ABR: variants seen among roughly 807,000 people sequenced by gnomAD.
ABR encodes the protein active breakpoint cluster region-related protein.
In ABR, 35 loss-of-function variants were observed where a neutral mutation model predicts 107.2. The observed-to-expected ratio is 0.33, with a 90% confidence interval of 0.25 to 0.43. The LOEUF is 0.43. Among genes scored for constraint, ABR ranks in the 20% least tolerant of loss-of-function variants. The pLI, the probability that ABR is intolerant of heterozygous loss-of-function variation, is 1.00. For synonymous variants in ABR, 498 were observed against 462.0 expected, an observed-to-expected ratio of 1.08 and a Z score of -1.00; for missense variants, 815 against 1,115.2, an observed-to-expected ratio of 0.73 and a Z score of 3.83.
chr17:1,170,203 A>C (rs2041656820), intron 1 of ABR, among the ~76,000 whole-genome samples: 1 of 152,112 alleles, frequency 6.6e-6, no homozygotes, highest in Admixed American at 6.5e-5. Context: ...CTGTCTCCTC[A>C]TATCACGGGG....
At chr17:1,036,736 C>G (rs1343313024) in intron 16 of ABR, among the ~76,000 whole-genome samples, 1 of 152,086 alleles carries the variant, frequency 6.6e-6, no homozygotes, top group African/African-American at 2.4e-5. Context: ...AACTCGGTGG[C>G]TCTGTGGTCA....
At position 1,023,052 on chromosome 17, in the gene ABR, ACGTCCGCTCCAGCGCCT is replaced by A. The variant is rs1167327450; in HGVS notation, c.1792-9905_1792-9889del. On this transcript the variant is annotated intron_variant, in intron 16 of 22. Coordinates refer to ENST00000302538, the MANE Select transcript of ABR (RefSeq NM_021962.5). ...CCACTGCAGAGCCTCTGCCTGCCCCACGTCCGCTCCAGCGCCTCTGCCGGCCCCACGTCCACTGCAGA... is the reference window on the plus strand; with the variant it reads ...CCACTGCAGAGCCTCTGCCTGCCCCACTGCCGGCCCCACGTCCACTGCAGA... 6.3e-4 allele frequency among the ~76,000 whole-genome samples: 92 copies of A among 145,278 alleles called. 1 individual carries two copies. Among genetic ancestry groups the A allele is most frequent in the African/African-American group, 2.2e-3 (86 of 38,392 alleles).
At chr17:1,165,869 G>A (rs60742899) in intron 1 of ABR, among the ~76,000 whole-genome samples, 54,073 of 152,122 alleles carry the variant, frequency 0.36, 11,975 homozygotes, top group Non-Finnish European at 0.49. Context: ...CAGCCTTGAG[G>A]GTGCCATGGT....
Position 1,160,478 on chromosome 17 carries a change from GTCTC to G in ABR, c.61+19185_61+19188del, listed in dbSNP as rs2041245873. Among the ~76,000 whole-genome samples, 3 of 152,194 alleles carry G rather than the reference GTCTC, an allele frequency of 2.0e-5. No homozygotes were observed. In the East Asian group the frequency reaches 5.8e-4, roughly 29 times the overall value. ...TCATGCAACCAGCATTGACACCTACGTCTCTCTGACTCTAAGGAGAACTGAATCC... is the reference window on the plus strand; with the variant it reads ...TCATGCAACCAGCATTGACACCTACGTCTGACTCTAAGGAGAACTGAATCC... On this transcript the variant is annotated intron_variant, in intron 1 of 22. Transcript: ENST00000302538.
At chr17:1,153,620 G>A (rs79682315) in intron 1 of ABR, among the ~76,000 whole-genome samples, 16 of 80,908 alleles carry the variant, frequency 2.0e-4, no homozygotes, top group South Asian at 1.1e-3. Flanking sequence ...AGGGCTGGGG[G>A]TCCAGGCACA....
intron 5 of ABR, among the ~76,000 whole-genome samples, chr17:1,079,779 ACT>A (rs1371815702): frequency 8.6e-6 from 1 of 116,570 alleles, no homozygotes; most frequent in African/African-American, 3.2e-5. Context: ...ACAGGGCGAG[ACT>A]CTGTCTCAAA....
chr17:1,057,707 GAGAGAGAGAGGT>G, intron 12 of ABR: 5 of 450,012 alleles, frequency 1.1e-5, no homozygotes, highest in South Asian at 1.1e-4. Flanking sequence ...GTGTGTGAGA[GAGAGAGAGAGGT>G]AGAGAGAGAG....
chr17:1,079,453 T>C, intron 5 of ABR, 63 bp from the exon 6 acceptor site: 2 of 1,473,152 alleles, frequency 1.4e-6, no homozygotes, highest in Non-Finnish European at 1.9e-6. Context: ...GCCCCCACTG[T>C]GAGCCTGGCA....
chr17:1,120,131 C>A (rs1597887568), intron 2 of ABR, among the ~76,000 whole-genome samples: 1 of 152,230 alleles, frequency 6.6e-6, no homozygotes, highest in East Asian at 1.9e-4. Flanking sequence ...GGTTATAGCA[C>A]CTACCTCATA....
chr17:1,096,601 A>G (rs1206267269), intron 3 of ABR, among the ~76,000 whole-genome samples: 2 of 152,200 alleles, frequency 1.3e-5, no homozygotes, highest in Non-Finnish European at 2.9e-5. Context: ...CTGGCCTCCC[A>G]GCGAGTTCTT....
At chr17:1,224,898 C>T (rs1212472060) in intron 1 of ABR, among the ~76,000 whole-genome samples, 1 of 151,958 alleles carries the variant, frequency 6.6e-6, no homozygotes, top group African/African-American at 2.4e-5. Context: ...GCCTGTAATC[C>T]CAGCACTTTG....
chr17:1,072,890 T>A (rs1567702743), intron 7 of ABR, 136 bp from the exon 8 acceptor site: 2 of 1,233,198 alleles, frequency 1.6e-6, no homozygotes, highest in Non-Finnish European at 2.2e-6. Context: ...GAACTACAAA[T>A]CAGAGTCAGG....
In ABR at chr17:1,009,705, G is replaced by A; in HGVS notation, c.2316C>T (p.Phe772=). Reference sequence around the variant, plus strand: ...TTTTCAAGTGTTCCAGCAGGAAGAGGAAGGTGATGAGGTTGGGGTCGGGCA... The same window carrying A: ...TTTTCAAGTGTTCCAGCAGGAAGAGAAAGGTGATGAGGTTGGGGTCGGGCA... ...RSLPDPNLIT[F]LFLLEHLKRV... Residue 772 remains phenylalanine (F), a synonymous_variant, in exon 21 of 23, where the codon TTC becomes TTT. Transcript: ENST00000302538. 1.2e-6 allele frequency: 2 copies of A among 1,614,030 alleles called. No homozygotes were observed. Among genetic ancestry groups the A allele is most frequent in the East Asian group, 2.2e-5 (1 of 44,876 alleles).
Position 1,050,130 on chromosome 17 carries a change from C to T in ABR, c.1711G>A (p.Glu571Lys). 6.2e-7 allele frequency: 1 copy of T among 1,614,126 alleles called. No individual in the cohort carries two copies. The change falls in exon 16 of 23, where the codon GAG becomes AAG. Residue 571 changes from glutamate to lysine, a missense_variant. Physicochemically the swap from Glu to Lys is moderately conservative, Grantham distance 56 (BLOSUM62 1). This residue lies in a region of ABR where 92 missense variants were observed against 82.3 expected (regional missense o/e 1.12). Transcript: ENST00000302538. The surrounding 1 kb of genome is among the most constrained non-coding windows in gnomAD (Gnocchi z 4.6). ...ACCTTGGTCTTGTCATAGCACTTCT[C>T]ATAGCACAGGATCCTCAGGGACTGG... is the stretch of plus-strand genomic sequence containing the variant. ...GSQSLRILCY[E>K]KCYDKTKVNK...
At chr17:1,163,145 A>G (rs1331924999) in intron 1 of ABR, among the ~76,000 whole-genome samples, 2 of 152,194 alleles carry the variant, frequency 1.3e-5, no homozygotes, top group African/African-American at 2.4e-5. Context: ...TAAACTGGAG[A>G]TGATAAGTAT....
intron 16 of ABR, among the ~76,000 whole-genome samples, chr17:1,024,239 G>A (rs1412629351): frequency 6.6e-6 from 1 of 152,152 alleles, no homozygotes; most frequent in African/African-American, 2.4e-5. Flanking sequence ...TCGTCGAGAA[G>A]AACCGTCTTG....
At chr17:1,060,879 C>G (rs1187993101) in intron 10 of ABR, among the ~76,000 whole-genome samples, 2 of 152,020 alleles carry the variant, frequency 1.3e-5, no homozygotes, top group Non-Finnish European at 1.5e-5. Flanking sequence ...TTATTCCCAG[C>G]TACTCAGGAG....
In ABR at chr17:1,125,229, C is replaced by G. The variant is rs1351843803; in HGVS notation, c.200G>C (p.Gly67Ala). 1 of 1,610,058 alleles carries G rather than the reference C, an allele frequency of 6.2e-7. No homozygotes were observed. The highest frequency in any genetic ancestry group is 1.3e-5 in the African/African-American group (1 of 74,762). Residue 67 changes from glycine to alanine, a missense_variant, in exon 2 of 23, where the codon GGG becomes GCG. By Grantham distance (60) the Gly-to-Ala change is moderately conservative. Coordinates refer to ENST00000302538, the MANE Select transcript of ABR (RefSeq NM_021962.5). Reference protein sequence around the residue: ...SPQLSARSQGGGDGVSPTPPE... With the variant: ...SPQLSARSQGAGDGVSPTPPE... The stretch of plus-strand genomic sequence containing the variant: ...TGGAGTCGGGGAGACGCCATCCCCC[C>G]CGCCCTGGCTGCGGGCGCTGAGCTG...
At position 1,091,648 on chromosome 17, in the gene ABR, A is replaced by G. The variant is rs1597769493; in HGVS notation, c.531+17T>C. ...CTGAGGCCCTGCGTGAGGACCCTCC[A>G]TCCCTGGCAGACTCACCAGCTTCTG... On this transcript the variant is annotated intron_variant, in intron 4 of 22. Coordinates refer to ENST00000302538, the MANE Select transcript of ABR (RefSeq NM_021962.5). 2 of 1,608,966 alleles carry G rather than the reference A, an allele frequency of 1.2e-6. No individual in the cohort carries two copies. Among genetic ancestry groups the G allele is most frequent in the African/African-American group, 2.7e-5 (2 of 74,906 alleles).
Sources: gnomAD v4.1 joint callset for allele counts (sites outside exome capture counted in the v4.1 genomes callset) on GRCh38, gnomAD v4.1.1 for gene constraint, gnomAD v4.1.1 regional missense constraint, Gnocchi (gnomAD v3.1) non-coding constraint, MANE v1.5 for transcripts, NCBI Gene and HGNC (gene_info 2026-07-23, HGNC 2026-07-21) for gene names.